The following WHAMM variants were observed in gnomAD, a reference collection of about 807,000 sequenced individuals.
The protein encoded by WHAMM is WASP homolog associated with actin, golgi membranes and microtubules, also known as WASP homolog-associated protein with actin, membranes and microtubules.
Under a neutral mutation model 76.5 loss-of-function variants are expected in WHAMM, and 67 were observed. The observed-to-expected ratio is 0.88, with a 90% CI of 0.72 to 1.07. The LOEUF (loss-of-function observed/expected upper bound fraction) is 1.07. WHAMM is among the 50% of genes least tolerant of loss of function. WHAMM has a pLI of 0.00. For synonymous variants in WHAMM, 419 were observed against 422.1 expected, an observed-to-expected ratio of 0.99 and a Z score of 0.09; for missense variants, 1,021 against 1,051.1, an observed-to-expected ratio of 0.97 and a Z score of 0.40.
rs780476146 is a variant in WHAMM, at chr15:82,809,805, C to T, written c.79C>T (p.Arg27Trp). 8 of 1,601,972 alleles carry T rather than the reference C, an allele frequency of 5.0e-6. No individual in the cohort carries two copies. In the Admixed American group the frequency reaches 8.4e-5, roughly 17 times the overall value. ...CCTCTTCGCCGAGCCCGAGAGGCAC[C>T]GGCTGCGCTTCCTGGTGGCCTGGAA... ...EGLFAEPERH[R>W]LRFLVAWNGA... The change falls in exon 1 of 10, where the codon CGG becomes TGG. Residue 27 changes from arginine (R) to tryptophan (W), a missense_variant. By Grantham distance (101) the Arg-to-Trp change is moderately radical. Transcript: ENST00000286760.
chr15:82,810,269 C>A lies in WHAMM; in HGVS notation c.543C>A (p.Ser181Arg). 2.2e-6 allele frequency: 3 copies of A among 1,378,288 alleles called. No homozygotes were observed. The highest frequency in any genetic ancestry group is 1.6e-5 in the South Asian group (1 of 61,764). 85.4% of individuals were successfully genotyped at this position (1,378,288 alleles called of 1,614,324 possible). A position where few individuals can be genotyped will look rare whatever the true frequency, so the allele number is the denominator to read the frequency against. The change falls in exon 1 of 10, where the codon AGC (serine) becomes AGA (arginine). Residue 181 changes from serine (S) to arginine (R), a missense_variant. This residue lies in a region of WHAMM where 501 missense variants were observed against 524.9 expected (regional missense o/e 0.95). Coordinates refer to ENST00000286760, the MANE Select transcript of WHAMM (RefSeq NM_001080435.3). ...PAEGGAADCE[S>R]PREFRERALR... Reference sequence around the variant, plus strand: ...AGGGCGGCGCGGCCGACTGCGAAAGCCCGCGCGAGTTCCGGGAGCGGGCCT... The same window carrying A: ...AGGGCGGCGCGGCCGACTGCGAAAGACCGCGCGAGTTCCGGGAGCGGGCCT...
chr15:82,828,662 T>C (rs1334646981), intron 8 of WHAMM, among the ~76,000 whole-genome samples: 1 of 152,126 alleles, frequency 6.6e-6, no homozygotes, highest in Non-Finnish European at 1.5e-5. Context: ...GATATGAAAA[T>C]GGGAGGGGTA....
intron 6 of WHAMM, among the ~76,000 whole-genome samples, chr15:82,824,323 AATAT>A (rs145305149): frequency 6.8e-6 from 1 of 147,824 alleles, no homozygotes. Context: ...ACACCCGGCT[AATAT>A]ATATATATAT....
Position 82,809,736 on chromosome 15 carries a change from G to A in WHAMM, c.10G>A (p.Glu4Lys), listed in dbSNP as rs776578702. The A allele has an allele frequency of 1.2e-5, 19 of 1,527,272 alleles. No individual in the cohort carries two copies. The highest frequency in any genetic ancestry group is 2.4e-5 in the East Asian group (1 of 42,288). The allele number at this position is 1,527,272 out of a possible 1,614,324, so 94.6% of individuals were successfully genotyped here. A position where few individuals can be genotyped will look rare whatever the true frequency, so the allele number is the denominator to read the frequency against. The change falls in exon 1 of 10, where the codon GAG becomes AAG. Residue 4 changes from glutamate to lysine, a missense_variant. Physicochemically the swap from Glu to Lys is moderately conservative, Grantham distance 56. Around this residue, in one of 3 missense-constraint regions of WHAMM, gnomAD observed 501 missense variants for 524.9 expected, o/e 0.95. Coordinates refer to ENST00000286760, the MANE Select transcript of WHAMM (RefSeq NM_001080435.3). Reference protein sequence around the residue: MEDEQPDSLEGWVP... With the variant: MEDKQPDSLEGWVP... ...GCTGCTGCCGACAGCCATGGAGGAC[G>A]AGCAGCCTGACAGCCTGGAGGGCTG...
rs576966532 is a variant in WHAMM at position 82,833,802 on chromosome 15, C to T, written c.*266C>T. On this transcript the variant is annotated 3_prime_UTR_variant, in exon 10 of 10. Coordinates refer to ENST00000286760, the MANE Select transcript of WHAMM (RefSeq NM_001080435.3). ...CTTCCCAGGCTGGGGTGCAGTGGTG[C>T]GATCTTGGCTCACTGCAAGCTCCGC... The T allele has an allele frequency of 2.4e-4, 100 of 413,668 alleles. 1 individual carries two copies. Among genetic ancestry groups the T allele is most frequent in the African/African-American group, 1.8e-3 (89 of 50,178 alleles). 25.6% of individuals were successfully genotyped at this position (413,668 alleles called of 1,614,324 possible).
At chr15:82,820,177 T>G (rs1230569606) in intron 5 of WHAMM, among the ~76,000 whole-genome samples, 1 of 152,218 alleles carries the variant, frequency 6.6e-6, no homozygotes, top group African/African-American at 2.4e-5. Flanking sequence ...TTTTTATGGG[T>G]GCATAGTAGA....
Position 82,815,129 on chromosome 15 carries a change from AT to A in WHAMM, c.784-1562del, listed in dbSNP as rs1308618743. On this transcript the variant is annotated intron_variant, in intron 2 of 9. Transcript: ENST00000286760. ...ACAGATTTTATATATATATATATAT[AT>A]ATATATATATATATATATATATATA... 1.5e-3 allele frequency among the ~76,000 whole-genome samples: 39 copies of A among 25,868 alleles called. 2 individuals carry two copies. The highest frequency in any genetic ancestry group is 9.5e-3 in the East Asian group (7 of 734). 17.0% of individuals were successfully genotyped at this position (25,868 alleles called of 152,430 possible). A position where few individuals can be genotyped will look rare whatever the true frequency, so the allele number is the denominator to read the frequency against.
In WHAMM at chr15:82,815,006, G is replaced by T. The variant is rs565263229; in HGVS notation, c.784-1686G>T. Among the ~76,000 whole-genome samples the T allele has an allele frequency of 3.6e-3, 530 of 148,216 alleles. 5 individuals carry two copies. Among genetic ancestry groups the T allele is most frequent in the Non-Finnish European group, 4.1e-3 (278 of 67,136 alleles). The stretch of plus-strand genomic sequence containing the variant: ...AGGATGGTCTTGATCTCCTGACCTC[G>T]TGATCCGCCCGTCTCGGCCTCCCAG... On this transcript the variant is annotated intron_variant, in intron 2 of 9. Transcript: ENST00000286760.
chr15:82,823,319 T>C, intron 6 of WHAMM, 32 bp downstream of exon 6: 1 of 1,357,232 alleles, frequency 7.4e-7, no homozygotes, highest in East Asian at 2.6e-5. Flanking sequence ...TTCTTTTCTT[T>C]TCTCTTTCAG....
At chr15:82,815,065 C>T (rs747004038) in intron 2 of WHAMM, among the ~76,000 whole-genome samples, 8 of 143,528 alleles carry the variant, frequency 5.6e-5, no homozygotes, top group African/African-American at 7.7e-5. Context: ...CCACCGCACC[C>T]GGCCTGTTTT....
At position 82,830,887 on chromosome 15, in the gene WHAMM, C is replaced by T; in HGVS notation, c.1930C>T (p.Pro644Ser). The stretch of plus-strand genomic sequence containing the variant: ...ATTGTCACTGCCACCACCTCCTCCT[C>T]CTCCACCACCACCACCGCCGCCACC... ...EELSLPPPPP[P>S]PPPPPPPPPP... Residue 644 changes from proline (P) to serine (S), a missense_variant, in exon 9 of 10, where the codon CCT becomes TCT. Pro to Ser is a moderately conservative substitution (Grantham distance 74, BLOSUM62 -1). This residue lies in a region of WHAMM where 509 missense variants were observed against 492.3 expected (regional missense o/e 1.03). Transcript: ENST00000286760. 6.3e-7 allele frequency: 1 copy of T among 1,582,982 alleles called. No individual in the cohort carries two copies.
chr15:82,813,111 A>G lies in WHAMM; in HGVS notation c.618A>G (p.Gln206=), dbSNP rs754870759. 17 of 1,599,608 alleles carry G rather than the reference A, an allele frequency of 1.1e-5. No individual in the cohort carries two copies. The highest frequency in any genetic ancestry group is 3.4e-5 in the South Asian group (3 of 88,372). ...EADARLRQVI[Q]GHGKANTMVA... ...TCACATTTGCTTTCTAGGTTATTCA[A>G]GGACACGGAAAAGCCAACACCATGG... The change falls in exon 2 of 10, where the codon CAA becomes CAG. Residue 206 remains glutamine, a synonymous_variant. Coordinates refer to ENST00000286760, the MANE Select transcript of WHAMM (RefSeq NM_001080435.3).
intron 5 of WHAMM, among the ~76,000 whole-genome samples, chr15:82,820,660 T>C (rs1345195979): frequency 8.6e-5 from 13 of 152,038 alleles, no homozygotes; most frequent in Non-Finnish European, 1.8e-4. Context: ...TTTGGGAGGC[T>C]GAGTGGGGCA....
chr15:82,821,491 T>C (rs1361525771), intron 5 of WHAMM, among the ~76,000 whole-genome samples: 1 of 152,214 alleles, frequency 6.6e-6, no homozygotes, highest in East Asian at 1.9e-4. Flanking sequence ...AAAAACATTT[T>C]CCCTAAATGT....
intron 7 of WHAMM, 113 bp from the exon 8 acceptor site, chr15:82,826,638 G>A: frequency 6.4e-7 from 1 of 1,558,710 alleles, no homozygotes; most frequent in Non-Finnish European, 8.7e-7. Context: ...GCGCAGCCTT[G>A]GGGTGGTAAT....
intron 5 of WHAMM, among the ~76,000 whole-genome samples, chr15:82,819,846 ACTAAACCCTGTCTCT>A (rs1368009771): frequency 6.6e-6 from 1 of 151,988 alleles, no homozygotes; most frequent in Non-Finnish European, 1.5e-5. Flanking sequence ...ATACAAAAAT[ACTAAACCCTGTCTCT>A]ACTAAAAACA....
chr15:82,820,896 CAAAAA>C (rs60974626), intron 5 of WHAMM, among the ~76,000 whole-genome samples: 1 of 119,626 alleles, frequency 8.4e-6, no homozygotes, highest in East Asian at 2.6e-4. Flanking sequence ...GACTCTGTCT[CAAAAA>C]AAAAAAAAAA....
chr15:82,820,952 G>GTGTGTA (rs925851881), intron 5 of WHAMM, among the ~76,000 whole-genome samples: 2 of 150,892 alleles, frequency 1.3e-5, no homozygotes, highest in Non-Finnish European at 2.9e-5. Flanking sequence ...CAGAATATGA[G>GTGTGTA]TGTGTATGTT....
chr15:82,813,015 A>G (rs2050655715), intron 1 of WHAMM, 88 bp from the exon 2 acceptor site: 1 of 1,024,452 alleles, frequency 9.8e-7, no homozygotes, highest in Non-Finnish European at 1.3e-6. Context: ...AGTTGAGAAC[A>G]TGAAGGTTTC....
Sources: gnomAD v4.1 joint callset for allele counts (sites outside exome capture counted in the v4.1 genomes callset) on GRCh38, gnomAD v4.1.1 for gene constraint, gnomAD v4.1.1 regional missense constraint, MANE v1.5 for transcripts, NCBI Gene and HGNC (gene_info 2026-07-23, HGNC 2026-07-21) for gene names.